SGSM1: variants seen among roughly 807,000 people sequenced by gnomAD.
SGSM1 encodes small G protein signaling modulator 1.
SGSM1 carries 73 observed loss-of-function variants against 133.8 expected under a neutral mutation model. The ratio of observed to expected loss-of-function variants is 0.55; its 90% CI spans 0.45 to 0.66. The LOEUF (loss-of-function observed/expected upper bound fraction) is 0.66. SGSM1 is among the 30% of genes least tolerant of loss of function. The probability of loss-of-function intolerance (pLI) is 0.00; values close to 1 mark genes in which losing one functional copy is unlikely to be tolerated. For missense variants in SGSM1, 1,213 were observed against 1,448.1 expected (o/e 0.84, Z 2.64); for synonymous variants, 563 against 573.0 (o/e 0.98, Z 0.25).
intron 8 of SGSM1, 67 bp from the exon 9 acceptor site, chr22:24,859,649 G>A (rs749316214): frequency 3.7e-6 from 6 of 1,603,456 alleles, no homozygotes; most frequent in African/African-American, 1.3e-5. Flanking sequence ...TAAATCAAAC[G>A]GGCCAGGACC....
Position 24,884,040 on chromosome 22 carries a change from C to T in SGSM1, c.1496-13C>T, listed in dbSNP as rs1395492573. ...GTGGTGGATGATGACACTTTCCCTC[C>T]CTCCCTCAACAGGGCTGGCCTACTG... On this transcript the variant is annotated splice_polypyrimidine_tract_variant and intron_variant, in intron 14 of 24. Transcript: ENST00000400358. The T allele has an allele frequency of 6.3e-7, 1 of 1,592,120 alleles. No individual in the cohort carries two copies. The highest frequency in any genetic ancestry group is 2.3e-5 in the East Asian group (1 of 44,204).
intron 14 of SGSM1, 55 bp downstream of exon 14, chr22:24,879,581 G>C (rs1162864606): frequency 1.3e-6 from 2 of 1,538,214 alleles, no homozygotes; most frequent in Non-Finnish European, 1.8e-6. Context: ...ATTGGTGCCT[G>C]CTGTATGCCA....
chr22:24,818,858 A>G (rs770228750), intron 2 of SGSM1, among the ~76,000 whole-genome samples: 1 of 151,958 alleles, frequency 6.6e-6, no homozygotes, highest in Non-Finnish European at 1.5e-5. Flanking sequence ...TAAAAATAAC[A>G]ATAATTGGCC....
intron 9 of SGSM1, among the ~76,000 whole-genome samples, chr22:24,865,269 G>A (rs1931382546): frequency 1.3e-5 from 2 of 152,226 alleles, no homozygotes; most frequent in African/African-American, 4.8e-5. Flanking sequence ...GGAACCAGAG[G>A]AGAGGACAGG....
intron 23 of SGSM1, among the ~76,000 whole-genome samples, chr22:24,918,088 A>G (rs970033824): frequency 5.9e-5 from 9 of 152,200 alleles, no homozygotes; most frequent in Admixed American, 2.6e-4. Context: ...TTCAGAGCCC[A>G]AGAACTCTAA....
At chr22:24,807,675 G>C (rs1184519293) in intron 2 of SGSM1, among the ~76,000 whole-genome samples, 3 of 152,176 alleles carry the variant, frequency 2.0e-5, no homozygotes, top group Non-Finnish European at 2.9e-5. Context: ...GACATCGTGG[G>C]CTGGCCTGGT....
intron 2 of SGSM1, among the ~76,000 whole-genome samples, chr22:24,827,839 C>A (rs1928886109): frequency 6.6e-6 from 1 of 152,022 alleles, no homozygotes; most frequent in South Asian, 2.1e-4. Flanking sequence ...AGTGACTCCA[C>A]ATTCTGGGCT....
rs548242585 is a variant in SGSM1, at chr22:24,905,292, A to G, written c.2818+105A>G. 2.3e-4 allele frequency: 264 copies of G among 1,154,864 alleles called. 1 individual carries two copies. The African/African-American group carries it at 3.4e-3, about 15-fold the overall frequency. 71.5% of individuals were successfully genotyped at this position (1,154,864 alleles called of 1,614,324 possible). ...GACTCTGTAGAATGTGGCTCCAGCC[A>G]GGTGCTCTGAAGGCCTGTCTGGTGA... On this transcript the variant is annotated intron_variant, in intron 21 of 24. Coordinates refer to ENST00000400358, the MANE Select transcript of SGSM1 (RefSeq NM_001098497.3).
intron 12 of SGSM1, among the ~76,000 whole-genome samples, chr22:24,873,048 T>A (rs1931845390): frequency 6.6e-6 from 1 of 151,830 alleles, no homozygotes; most frequent in African/African-American, 2.4e-5. Context: ...AGCCTCAACC[T>A]CCTGGGCTCA....
At chr22:24,851,596 G>A (rs1930489151) in intron 5 of SGSM1, among the ~76,000 whole-genome samples, 1 of 152,176 alleles carries the variant, frequency 6.6e-6, no homozygotes, top group Non-Finnish European at 1.5e-5. Context: ...AGGAAAATAT[G>A]CATGAAAGTG....
Position 24,855,329 on chromosome 22 carries a change from C to T in SGSM1, c.568C>T (p.His190Tyr), listed in dbSNP as rs1364110871. ...GTACACCAAGATGAAGACTGCAGAT[C>T]ACTTCTGGACCGATCCCTCGGCTGA... ...LEYTKMKTADHFWTDPSADEL... is the reference protein window; with the variant it reads ...LEYTKMKTADYFWTDPSADEL... The change falls in exon 7 of 25, where the codon CAC (histidine) becomes TAC (tyrosine). Residue 190 changes from histidine (H) to tyrosine (Y), a missense_variant. Physicochemically the swap from His to Tyr is moderately conservative, Grantham distance 83. Transcript: ENST00000400358. The T allele has an allele frequency of 6.2e-7, 1 of 1,612,870 alleles. No homozygotes were observed. Among genetic ancestry groups the T allele is most frequent in the East Asian group, 2.2e-5 (1 of 44,840 alleles).
chr22:24,879,180 A>G (rs1305475859), intron 13 of SGSM1, among the ~76,000 whole-genome samples: 6 of 152,322 alleles, frequency 3.9e-5, no homozygotes, highest in South Asian at 2.1e-4. Flanking sequence ...CTCTGCCCCA[A>G]TCACTGTGAC....
At chr22:24,837,585 C>CG (rs1555922711) in intron 2 of SGSM1, among the ~76,000 whole-genome samples, 17 of 58,670 alleles carry the variant, frequency 2.9e-4, no homozygotes, top group African/African-American at 9.0e-4. Flanking sequence ...GAGACCCCCC[C>CG]CCCCCCTTTC....
chr22:24,881,831 G>A (rs528712048), intron 14 of SGSM1, among the ~76,000 whole-genome samples: 252 of 152,286 alleles, frequency 1.7e-3, no homozygotes, highest in Admixed American at 3.4e-3. Context: ...CAGAAGGAAG[G>A]GGCACAGCCA....
chr22:24,841,408 C>T (rs1929801332), intron 2 of SGSM1, among the ~76,000 whole-genome samples: 1 of 152,192 alleles, frequency 6.6e-6, no homozygotes, highest in Non-Finnish European at 1.5e-5. Context: ...TCCATGTGCA[C>T]TTGAGAAAAG....
chr22:24,834,927 G>A (rs1291680624), intron 2 of SGSM1, among the ~76,000 whole-genome samples: 1 of 151,968 alleles, frequency 6.6e-6, no homozygotes, highest in Non-Finnish European at 1.5e-5. Flanking sequence ...CTCTGCCAGC[G>A]GGGATTGTAT....
In SGSM1 at chr22:24,893,435, A is replaced by G; in HGVS notation, c.1775A>G (p.Asp592Gly). The G allele has an allele frequency of 1.2e-6, 2 of 1,613,544 alleles. No individual in the cohort carries two copies. Among genetic ancestry groups the G allele is most frequent in the Non-Finnish European group, 1.7e-6 (2 of 1,179,712 alleles). The change falls in exon 17 of 25, where the codon GAC (aspartate) becomes GGC (glycine). Residue 592 changes from aspartate (D) to glycine (G), a missense_variant. By Grantham distance (94) the Asp-to-Gly change is moderately conservative (BLOSUM62 -1). Transcript: ENST00000400358. Reference protein sequence around the residue: ...GMTETERKEVDEQIHACYAQT... With the variant: ...GMTETERKEVGEQIHACYAQT... Reference sequence around the variant, plus strand: ...ACATTGCATCTGCCCTGGCAGGTGGACGAGCAGATTCATGCCTGCTATGCA... The same window carrying G: ...ACATTGCATCTGCCCTGGCAGGTGGGCGAGCAGATTCATGCCTGCTATGCA...
chr22:24,874,597 C>G (rs1340824502), intron 12 of SGSM1: 1 of 1,568,998 alleles, frequency 6.4e-7, no homozygotes, highest in South Asian at 1.2e-5. Context: ...CTGGGATCTC[C>G]CCGTCCCCAG....
chr22:24,836,693 C>T (rs1431162389), intron 2 of SGSM1, among the ~76,000 whole-genome samples: 1 of 152,202 alleles, frequency 6.6e-6, no homozygotes, highest in African/African-American at 2.4e-5. Flanking sequence ...TCCCATTGAA[C>T]ATCTTTCCAT....
Sources: gnomAD v4.1 joint callset for allele counts (sites outside exome capture counted in the v4.1 genomes callset) on GRCh38, gnomAD v4.1.1 for gene constraint, MANE v1.5 for transcripts, NCBI Gene and HGNC (gene_info 2026-07-23, HGNC 2026-07-21) for gene names.